VPS13B: variants seen among roughly 807,000 people sequenced by gnomAD.
VPS13B encodes intermembrane lipid transfer protein VPS13B.
Under a neutral mutation model 426.4 loss-of-function variants are expected in VPS13B, and 285 were observed. The ratio of observed to expected loss-of-function variants is 0.67; its 90% CI spans 0.61 to 0.74. The LOEUF (loss-of-function observed/expected upper bound fraction) is 0.74, where lower values mean the gene tolerates loss of function less well. Ranked by LOEUF, VPS13B falls within the 30% of genes least tolerant of loss-of-function variation. The pLI is 0.00. For missense variants in VPS13B, 4,537 were observed against 4,782.6 expected (o/e 0.95, Z 1.51); for synonymous variants, 1,676 against 1,676.4 (o/e 1.00, Z 0.01).
At chr8:99,318,378 G>GGCGTGAACCCGGGAAGC (rs1563665837) in intron 19 of VPS13B, among the ~76,000 whole-genome samples, 1 of 152,028 alleles carries the variant, frequency 6.6e-6, no homozygotes, top group African/African-American at 2.4e-5. Context: ...GCCTCTTTAT[G>GGCGTGAACCCGGGAAGC]GTACTTCCAG....
Position 99,556,567 on chromosome 8 carries a change from A to G in VPS13B, c.4863A>G (p.Pro1621=). ...CTGCACAGTGGCATCAACTAAAACCAGAGAAGGAAAGTGTCTCAGGAGGGG... is the reference window on the plus strand; with the variant it reads ...CTGCACAGTGGCATCAACTAAAACCGGAGAAGGAAAGTGTCTCAGGAGGGG... ...IGTAQWHQLK[P]EKESVSGGVV... is the part of the protein sequence containing the mutation. The change falls in exon 31 of 62, where the codon CCA becomes CCG. Residue 1621 remains proline (P), a synonymous_variant. Transcript: ENST00000357162. The G allele has an allele frequency of 2.5e-6, 4 of 1,613,322 alleles. 1 individual carries two copies. In the South Asian group the frequency reaches 4.4e-5, roughly 18 times the overall value.
At chr8:99,431,377 C>A in intron 21 of VPS13B, 160 bp from the exon 22 acceptor site, 1 of 983,434 alleles carries the variant, frequency 1.0e-6, no homozygotes, top group Non-Finnish European at 1.5e-6. Context: ...TTGCAAAAAT[C>A]AGTTCTATAA....
At chr8:99,382,283 A>C (rs1170775373) in intron 19 of VPS13B, among the ~76,000 whole-genome samples, 1 of 151,938 alleles carries the variant, frequency 6.6e-6, no homozygotes, top group Non-Finnish European at 1.5e-5. Context: ...TTGTTCTTTT[A>C]GCTTAGGATT....
intron 26 of VPS13B, 48 bp downstream of exon 26, chr8:99,501,906 C>T (rs1201253696): frequency 7.3e-7 from 1 of 1,374,696 alleles, no homozygotes. Context: ...GTCCCTCCCT[C>T]CCTCCCTCCC....
intron 25 of VPS13B, among the ~76,000 whole-genome samples, chr8:99,500,313 C>T (rs1338135535): frequency 6.6e-6 from 1 of 151,938 alleles, no homozygotes; most frequent in Non-Finnish European, 1.5e-5. Context: ...CAAAACAAAA[C>T]GTGTCTGAAG....
Position 99,373,328 on chromosome 8 carries a change from T to TA in VPS13B, c.2825-10867dup, listed in dbSNP as rs537637668. The stretch of plus-strand genomic sequence containing the variant: ...TGTATCCCACAACTTGAAGTAAAAT[T>TA]AAAAAAAAAAAAAGAAAAAGAAGTT... On this transcript the variant is annotated intron_variant, in intron 19 of 61. Transcript: ENST00000357162. Among the ~76,000 whole-genome samples, 402 of 140,822 alleles carry TA rather than the reference T, an allele frequency of 2.9e-3. 1 individual carries two copies. The highest frequency in any genetic ancestry group is 0.011 in the South Asian group (49 of 4,458). The allele number at this position is 140,822 out of a possible 152,430, so 92.4% of individuals were successfully genotyped here. A position where few individuals can be genotyped will look rare whatever the true frequency, so the allele number is the denominator to read the frequency against.
chr8:99,656,411 A>G (rs1830020115), intron 34 of VPS13B, among the ~76,000 whole-genome samples: 1 of 152,222 alleles, frequency 6.6e-6, no homozygotes, highest in Non-Finnish European at 1.5e-5. Context: ...ACTTGAATAC[A>G]TCCAGAAGAG....
intron 51 of VPS13B, among the ~76,000 whole-genome samples, chr8:99,824,383 T>G (rs1357964640): frequency 6.6e-6 from 1 of 152,178 alleles, no homozygotes; most frequent in African/African-American, 2.4e-5. Context: ...GGCTAGGGCC[T>G]AACTGAGCCG....
intron 30 of VPS13B, among the ~76,000 whole-genome samples, chr8:99,542,032 A>G (rs1823647831): frequency 2.0e-5 from 3 of 152,216 alleles, no homozygotes; most frequent in Admixed American, 2.0e-4. Context: ...CATAGCTAGC[A>G]CATTTCTTCA....
At chr8:99,824,667 T>C (rs911792994) in intron 51 of VPS13B, among the ~76,000 whole-genome samples, 2 of 151,918 alleles carry the variant, frequency 1.3e-5, no homozygotes, top group Admixed American at 6.6e-5. Context: ...TACATAGGTA[T>C]ACATGTGCCA....
chr8:99,195,476 C>T (rs951891439), intron 17 of VPS13B, among the ~76,000 whole-genome samples: 1 of 152,106 alleles, frequency 6.6e-6, no homozygotes, highest in African/African-American at 2.4e-5. Flanking sequence ...TTTTGGATAA[C>T]AACTCTTTAT....
chr8:99,616,098 T>C (rs1207665244), intron 33 of VPS13B, among the ~76,000 whole-genome samples: 1 of 152,166 alleles, frequency 6.6e-6, no homozygotes, highest in Non-Finnish European at 1.5e-5. Context: ...CACATGATTA[T>C]TATTATCACC....
intron 33 of VPS13B, among the ~76,000 whole-genome samples, chr8:99,632,139 G>T (rs770776633): frequency 4.6e-5 from 7 of 151,856 alleles, no homozygotes; most frequent in Non-Finnish European, 1.0e-4. Context: ...TTGTGAATGT[G>T]ATATTCTAAA....
chr8:99,486,710 A>G (rs898589542), intron 25 of VPS13B, among the ~76,000 whole-genome samples: 11 of 152,284 alleles, frequency 7.2e-5, no homozygotes, highest in African/African-American at 2.4e-4. Flanking sequence ...CAGTCCCTGA[A>G]TGAGTGTTTA....
chr8:99,590,081 C>T (rs1258009046), intron 33 of VPS13B, among the ~76,000 whole-genome samples: 1 of 152,010 alleles, frequency 6.6e-6, no homozygotes, highest in African/African-American at 2.4e-5. Flanking sequence ...TGTATAAGTC[C>T]AGGAATTTAT....
chr8:99,049,696 T>C (rs1443149300), intron 3 of VPS13B, among the ~76,000 whole-genome samples: 2 of 152,108 alleles, frequency 1.3e-5, no homozygotes, highest in Non-Finnish European at 2.9e-5. Context: ...TTGAGCTTCT[T>C]GTCTTTGGAT....
chr8:99,015,704 C>A (rs1290840999), intron 2 of VPS13B, among the ~76,000 whole-genome samples: 1 of 151,744 alleles, frequency 6.6e-6, no homozygotes, highest in Non-Finnish European at 1.5e-5. Context: ...GAGTTCGAGA[C>A]CAGCCTAGCC....
chr8:99,503,859 A>G (rs962025780), intron 27 of VPS13B, among the ~76,000 whole-genome samples: 4 of 152,224 alleles, frequency 2.6e-5, no homozygotes, highest in Non-Finnish European at 5.9e-5. Context: ...GTTAATGTTG[A>G]TATTTTTACC....
intron 36 of VPS13B, 50 bp from the exon 37 acceptor site, chr8:99,717,121 A>T: frequency 8.6e-6 from 13 of 1,520,050 alleles, no homozygotes; most frequent in South Asian, 8.0e-5. Flanking sequence ...TTTCCCAAAC[A>T]TTTTTTTTGA....
Sources: gnomAD v4.1 joint callset for allele counts (sites outside exome capture counted in the v4.1 genomes callset) on GRCh38, gnomAD v4.1.1 for gene constraint, MANE v1.5 for transcripts, NCBI Gene and HGNC (gene_info 2026-07-23, HGNC 2026-07-21) for gene names.